Variants in SMC4 observed in about 807,000 individuals in gnomAD.
The protein encoded by SMC4 is structural maintenance of chromosomes 4.
Under a neutral mutation model 145.6 loss-of-function variants are expected in SMC4, and 87 were observed. The ratio of observed to expected loss-of-function variants is 0.60; its 90% CI spans 0.50 to 0.71. The LOEUF (loss-of-function observed/expected upper bound fraction) is 0.71, where lower values mean the gene tolerates loss of function less well. Ranked by LOEUF, SMC4 falls within the 30% of genes least tolerant of loss-of-function variation. SMC4 has a pLI of 0.00. For missense variants in SMC4, 1,447 were observed against 1,537.1 expected (o/e 0.94, Z 0.98); for synonymous variants, 558 against 500.7 (o/e 1.11, Z -1.53).
rs545268246 is a variant in SMC4 at position 160,413,410 on chromosome 3, A to G, written c.981-63A>G. 618 of 1,467,470 alleles carry G rather than the reference A, an allele frequency of 4.2e-4. 2 individuals are homozygous for G. The highest frequency in any genetic ancestry group is 3.6e-4 in the Middle Eastern group (2 of 5,502). The allele number at this position is 1,467,470 out of a possible 1,614,324, so 90.9% of individuals were successfully genotyped here. A position where few individuals can be genotyped will look rare whatever the true frequency, so the allele number is the denominator to read the frequency against. ...AACAGTTAGTTTTACTAAAATTGTT[A>G]TACAGTTTTGGAAATGGCATTTTAG... On this transcript the variant is annotated intron_variant, in intron 7 of 23. Transcript: ENST00000357388.
chr3:160,414,497 C>T lies in SMC4; in HGVS notation c.1252C>T (p.Leu418Phe). Residue 418 changes from leucine (L) to phenylalanine (F), a missense_variant, in exon 9 of 24, where the codon CTT becomes TTT. Transcript: ENST00000357388. ...TSKAKKLEKQLQKDKEKVEEF... is the reference protein window; with the variant it reads ...TSKAKKLEKQFQKDKEKVEEF... The stretch of plus-strand genomic sequence containing the variant: ...TAAAGCCAAAAAACTGGAGAAACAA[C>T]TTCAAAAAGATAAAGAAAAGGTAGG... 2 of 1,611,082 alleles carry T rather than the reference C, an allele frequency of 1.2e-6. No individual in the cohort carries two copies. The highest frequency in any genetic ancestry group is 1.7e-6 in the Non-Finnish European group (2 of 1,179,202).
intron 13 of SMC4, among the ~76,000 whole-genome samples, chr3:160,422,179 A>G (rs976303154): frequency 1.3e-5 from 2 of 152,192 alleles, no homozygotes; most frequent in Admixed American, 6.5e-5. Flanking sequence ...CAAGTTTTTG[A>G]GTGAACATGT....
intron 15 of SMC4, 28 bp downstream of exon 15, chr3:160,423,868 CT>C (rs563297060): frequency 0.15 from 162,468 of 1,064,064 alleles, 1 homozygote; most frequent in South Asian, 0.19. Context: ...TGTATCCAGA[CT>C]TTTTTTTTTT....
At chr3:160,425,127 AAGGG>A (rs1717644703) in intron 16 of SMC4, 108 bp downstream of exon 16, 1 of 1,406,826 alleles carries the variant, frequency 7.1e-7, no homozygotes, top group African/African-American at 1.5e-5. Context: ...TTAAATATAT[AAGGG>A]AGGGAGGATC....
intron 18 of SMC4, among the ~76,000 whole-genome samples, chr3:160,429,727 T>C (rs941077888): frequency 2.0e-5 from 3 of 150,784 alleles, no homozygotes; most frequent in East Asian, 3.9e-4. Context: ...TTTTTTTTTT[T>C]TTTCTTTTTG....
At position 160,400,890 on chromosome 3, in the gene SMC4, T is replaced by C; in HGVS notation, c.64T>C (p.Ser22Pro). 2.0e-6 allele frequency: 3 copies of C among 1,507,904 alleles called. No individual in the cohort carries two copies. Among genetic ancestry groups the C allele is most frequent in the Non-Finnish European group, 1.8e-6 (2 of 1,137,440 alleles). The allele number at this position is 1,507,904 out of a possible 1,614,324, so 93.4% of individuals were successfully genotyped here. A position where few individuals can be genotyped will look rare whatever the true frequency, so the allele number is the denominator to read the frequency against. Residue 22 changes from serine to proline, a missense_variant, in exon 2 of 24, where the codon TCC becomes CCC. Coordinates refer to ENST00000357388, the MANE Select transcript of SMC4 (RefSeq NM_001002800.3). ...RRREEGPPPP[S>P]PDGASSDAEP... ...CAGAGAGGAAGGGCCGCCGCCGCCG[T>C]CCCCTGACGGCGCCAGCAGCGACGC... is the stretch of plus-strand genomic sequence containing the variant.
rs368574500 is a variant in SMC4 at position 160,412,099 on chromosome 3, G to A, written c.852+15G>A. ...GAGGAGAGAAGGTGAATCATCTGTA[G>A]ACTTTCATTGTAAATCAGAATGTTT... is the stretch of plus-strand genomic sequence containing the variant. On this transcript the variant is annotated intron_variant, in intron 6 of 23. Coordinates refer to ENST00000357388, the MANE Select transcript of SMC4 (RefSeq NM_001002800.3). The A allele has an allele frequency of 2.4e-5, 38 of 1,602,600 alleles. No homozygotes were observed. The highest frequency in any genetic ancestry group is 1.7e-4 in the Middle Eastern group (1 of 6,004).
chr3:160,404,405 C>T lies in SMC4; in HGVS notation c.588C>T (p.Val196=). The part of the protein sequence containing the change: ...SRTACRDNTS[V]YHISGKKKTF... ...CGGCCTGCAGAGATAATACTTCTGT[C>T]TATCACATAAGTGGAAAGAAAAAGA... Residue 196 remains valine, a synonymous_variant, in exon 5 of 24, where the codon GTC becomes GTT. Transcript: ENST00000357388. 1 of 1,611,158 alleles carries T rather than the reference C, an allele frequency of 6.2e-7. No homozygotes were observed. Among genetic ancestry groups the T allele is most frequent in the Non-Finnish European group, 8.5e-7 (1 of 1,178,600 alleles).
At chr3:160,423,862 T>A in intron 15 of SMC4, 22 bp downstream of exon 15, 2 of 1,567,408 alleles carry the variant, frequency 1.3e-6, no homozygotes, top group Admixed American at 1.9e-5. Flanking sequence ...TAAAATTGTA[T>A]CCAGACTTTT....
intron 21 of SMC4, 152 bp downstream of exon 21, chr3:160,431,977 T>TGG (rs1718455822): frequency 1.3e-6 from 1 of 778,682 alleles, no homozygotes; most frequent in Non-Finnish European, 2.0e-6. Context: ...CAAAGGCGGG[T>TGG]GGATCACAAG....
chr3:160,423,351 TTTTTTTTG>T, intron 13 of SMC4, 66 bp from the exon 14 acceptor site: 1 of 943,104 alleles, frequency 1.1e-6, no homozygotes, highest in Non-Finnish European at 1.5e-6. Context: ...TCCTATGGGT[TTTTTTTTG>T]TTTTTTTTTT....
intron 12 of SMC4, 42 bp from the exon 13 acceptor site, chr3:160,420,698 T>A: frequency 1.3e-6 from 2 of 1,598,446 alleles, no homozygotes; most frequent in Non-Finnish European, 1.7e-6. Context: ...GGTCCTGTGC[T>A]TTTCTGCCTA....
chr3:160,432,856 C>T (rs1475816524), intron 22 of SMC4, 170 bp from the exon 23 acceptor site: 1 of 589,558 alleles, frequency 1.7e-6, no homozygotes, highest in Non-Finnish European at 3.0e-6. Flanking sequence ...CCTATGTATG[C>T]ATCCTCCAAT....
chr3:160,410,766 G>T (rs1015011010), intron 5 of SMC4, among the ~76,000 whole-genome samples: 5 of 152,116 alleles, frequency 3.3e-5, no homozygotes, highest in Non-Finnish European at 7.4e-5. Flanking sequence ...GGTGAATTAT[G>T]ATGCTCTCAT....
chr3:160,420,239 G>A (rs568616988), intron 12 of SMC4, among the ~76,000 whole-genome samples: 3 of 152,258 alleles, frequency 2.0e-5, no homozygotes, highest in South Asian at 2.1e-4. Context: ...TCAGCCTTTC[G>A]GAGAAGGGAA....
chr3:160,426,296 A>C (rs1012329200), intron 17 of SMC4, 96 bp downstream of exon 17: 210 of 859,530 alleles, frequency 2.4e-4, no homozygotes, highest in Non-Finnish European at 2.6e-4. Flanking sequence ...ATAGAAGCTA[A>C]GTATATGCAA....
intron 17 of SMC4, among the ~76,000 whole-genome samples, chr3:160,428,019 G>A (rs1474008434): frequency 6.6e-6 from 1 of 152,192 alleles, no homozygotes; most frequent in African/African-American, 2.4e-5. Flanking sequence ...GCTGAACCAC[G>A]AGAATGGCTT....
rs970197318 is a variant in SMC4, at chr3:160,434,415, A to G, written c.*606A>G. On this transcript the variant is annotated 3_prime_UTR_variant, in exon 24 of 24. Transcript: ENST00000357388. ...CCTAGGCTATCTCGTAAGTTGAAAA[A>G]TATCCCACTATAGTTGCTTCATGAG... is the stretch of plus-strand genomic sequence containing the variant. 1 of 152,208 alleles carries G rather than the reference A, an allele frequency of 6.6e-6. No individual in the cohort carries two copies. The highest frequency in any genetic ancestry group is 6.5e-5 in the Admixed American group (1 of 15,284). 9.4% of individuals were successfully genotyped at this position (152,208 alleles called of 1,614,324 possible).
chr3:160,428,386 T>A (rs969811790), intron 17 of SMC4, among the ~76,000 whole-genome samples: 6 of 152,186 alleles, frequency 3.9e-5, no homozygotes, highest in Admixed American at 2.0e-4. Flanking sequence ...AATTTCTTCA[T>A]TGTGGGCAAG....
Sources: gnomAD v4.1 joint callset for allele counts (sites outside exome capture counted in the v4.1 genomes callset) on GRCh38, gnomAD v4.1.1 for gene constraint, MANE v1.5 for transcripts, NCBI Gene and HGNC (gene_info 2026-07-23, HGNC 2026-07-21) for gene names.